CAMK1D: variants seen among roughly 807,000 people sequenced by gnomAD.
CAMK1D encodes calcium/calmodulin dependent protein kinase ID.
CAMK1D carries 9 observed loss-of-function variants against 47.7 expected under a neutral mutation model. The observed-to-expected ratio is 0.19, with a 90% CI of 0.11 to 0.33. CAMK1D has a LOEUF of 0.33. Among genes scored for constraint, CAMK1D ranks in the 10% least tolerant of loss-of-function variants. The pLI is 1.00. For synonymous variants in CAMK1D, 184 were observed against 184.9 expected, an observed-to-expected ratio of 0.99 and a Z score of 0.04; for missense variants, 291 against 488.7, an observed-to-expected ratio of 0.60 and a Z score of 3.81.
chr10:12,814,906 C>T (rs1183255063), intron 7 of CAMK1D, among the ~76,000 whole-genome samples: 1 of 152,208 alleles, frequency 6.6e-6, no homozygotes, highest in African/African-American at 2.4e-5. Context: ...GGGACCCACT[C>T]ATCCACCTCT....
chr10:12,800,756 C>T (rs1362202147), intron 6 of CAMK1D, among the ~76,000 whole-genome samples: 1 of 152,184 alleles, frequency 6.6e-6, no homozygotes, highest in Non-Finnish European at 1.5e-5. Context: ...AGCCATCCAT[C>T]CTTGGCTAAG....
intron 1 of CAMK1D, among the ~76,000 whole-genome samples, chr10:12,550,840 A>C (rs921282831): frequency 1.3e-5 from 2 of 152,228 alleles, no homozygotes; most frequent in African/African-American, 4.8e-5. Context: ...GCTATAGACA[A>C]GCTTCTCTCG....
At chr10:12,352,737 T>A (rs536409341) in intron 1 of CAMK1D, among the ~76,000 whole-genome samples, 54 of 34,786 alleles carry the variant, frequency 1.6e-3, no homozygotes, top group African/African-American at 3.2e-3. Flanking sequence ...TTCTGTGGAC[T>A]TTCTTTTTTT....
At chr10:12,655,823 C>T (rs565876461) in intron 2 of CAMK1D, among the ~76,000 whole-genome samples, 1 of 152,236 alleles carries the variant, frequency 6.6e-6, no homozygotes. Context: ...TAAACAACTT[C>T]ATGTCTCAAG....
intron 3 of CAMK1D, among the ~76,000 whole-genome samples, chr10:12,680,462 AGT>A (rs989455952): frequency 5.9e-5 from 9 of 152,068 alleles, no homozygotes; most frequent in Admixed American, 5.9e-4. Context: ...CCATTTTCTG[AGT>A]GTTAATCTCC....
intron 1 of CAMK1D, among the ~76,000 whole-genome samples, chr10:12,373,850 G>A (rs1320732533): frequency 2.0e-5 from 3 of 150,974 alleles, no homozygotes; most frequent in Admixed American, 6.6e-5. Flanking sequence ...CGAGGCAGGC[G>A]GATCACTGGA....
chr10:12,650,426 G>A (rs957115043), intron 2 of CAMK1D, among the ~76,000 whole-genome samples: 48 of 152,230 alleles, frequency 3.2e-4, no homozygotes, highest in African/African-American at 1.1e-3. Context: ...TCTCACACTG[G>A]CCTGGGAGCC....
chr10:12,495,976 C>T (rs2399847), intron 1 of CAMK1D, among the ~76,000 whole-genome samples: 10,520 of 152,016 alleles, frequency 0.069, 373 homozygotes, highest in Middle Eastern at 0.082. Context: ...TACTTGTGTG[C>T]GCCACTGTGC....
intron 3 of CAMK1D, among the ~76,000 whole-genome samples, chr10:12,740,881 A>G (rs143750941): frequency 1.3e-5 from 2 of 152,300 alleles, no homozygotes; most frequent in African/African-American, 4.8e-5. Flanking sequence ...TGCACCACCA[A>G]TATTCATCTC....
chr10:12,585,202 A>C (rs1391523403), intron 2 of CAMK1D, among the ~76,000 whole-genome samples: 2 of 152,148 alleles, frequency 1.3e-5, no homozygotes, highest in African/African-American at 4.8e-5. Flanking sequence ...AGTTCCTGAA[A>C]TTTAAGGTCA....
intron 5 of CAMK1D, among the ~76,000 whole-genome samples, chr10:12,781,387 C>T (rs754354084): frequency 5.3e-5 from 8 of 152,352 alleles, no homozygotes; most frequent in Non-Finnish European, 7.3e-5. Flanking sequence ...AAATGCCTTC[C>T]TTGGCACAGT....
chr10:12,531,363 C>T (rs560013632), intron 1 of CAMK1D, among the ~76,000 whole-genome samples: 1 of 152,308 alleles, frequency 6.6e-6, no homozygotes, highest in Non-Finnish European at 1.5e-5. Flanking sequence ...CCCTTCTGCC[C>T]TGTCCTGAGA....
chr10:12,494,304 G>T (rs1223174855), intron 1 of CAMK1D, among the ~76,000 whole-genome samples: 1 of 152,148 alleles, frequency 6.6e-6, no homozygotes, highest in African/African-American at 2.4e-5. Flanking sequence ...TGAATCCCAA[G>T]CCAGGTTCTC....
intron 5 of CAMK1D, among the ~76,000 whole-genome samples, chr10:12,789,578 A>G (rs1837887664): frequency 6.6e-6 from 1 of 152,242 alleles, no homozygotes; most frequent in Non-Finnish European, 1.5e-5. Flanking sequence ...CTCAGGACCC[A>G]GTTCATGGCA....
intron 2 of CAMK1D, among the ~76,000 whole-genome samples, chr10:12,661,245 C>G (rs935124915): frequency 4.6e-5 from 7 of 152,170 alleles, no homozygotes; most frequent in African/African-American, 1.7e-4. Context: ...GGCATTAATA[C>G]TTTGACTTTA....
At position 12,526,004 on chromosome 10, in the gene CAMK1D, T is replaced by C. The variant is rs113761028; in HGVS notation, c.93-27221T>C. Among the ~76,000 whole-genome samples, 958 of 152,322 alleles carry C rather than the reference T, an allele frequency of 6.3e-3. 8 individuals are homozygous for C. Among genetic ancestry groups the C allele is most frequent in the African/African-American group, 0.022 (923 of 41,580 alleles). ...CCTTCCTGACCTCCAGTGATCCGCC[T>C]GCTGTGGCCTCCCAAAGTGCTGGGA... On this transcript the variant is annotated intron_variant, in intron 1 of 10. Coordinates refer to ENST00000619168, the MANE Select transcript of CAMK1D (RefSeq NM_153498.4).
At chr10:12,351,244 A>G (rs2131827133) in intron 1 of CAMK1D, among the ~76,000 whole-genome samples, 1 of 152,298 alleles carries the variant, frequency 6.6e-6, no homozygotes. Flanking sequence ...GTTGCCTTTC[A>G]GGGAGGGCAC....
intron 1 of CAMK1D, among the ~76,000 whole-genome samples, chr10:12,503,698 G>A (rs1295996830): frequency 6.6e-6 from 1 of 152,142 alleles, no homozygotes; most frequent in African/African-American, 2.4e-5. Flanking sequence ...TTTCTTTTGT[G>A]ATTTCTAACA....
intron 1 of CAMK1D, among the ~76,000 whole-genome samples, chr10:12,370,118 A>G (rs1018964178): frequency 6.6e-6 from 1 of 152,142 alleles, no homozygotes; most frequent in Non-Finnish European, 1.5e-5. Context: ...TCAGTGATAC[A>G]TGGACTGCAT....
Sources: gnomAD v4.1 joint callset for allele counts (sites outside exome capture counted in the v4.1 genomes callset) on GRCh38, gnomAD v4.1.1 for gene constraint, MANE v1.5 for transcripts, NCBI Gene and HGNC (gene_info 2026-07-23, HGNC 2026-07-21) for gene names.